GPC6: variants seen among roughly 807,000 people sequenced by gnomAD.
The protein encoded by GPC6 is glypican 6.
A neutral mutation model predicts 55.2 loss-of-function variants in GPC6; 14 were observed. That is an observed-to-expected ratio of 0.25 (90% CI 0.17 to 0.40). The LOEUF is 0.40. Ranked by LOEUF, GPC6 falls within the 10% of genes least tolerant of loss-of-function variation. The pLI is 1.00. For missense variants in GPC6, 641 were observed against 708.5 expected (o/e 0.90, Z 1.08); for synonymous variants, 278 against 259.6 (o/e 1.07, Z -0.68).
intron 6 of GPC6, among the ~76,000 whole-genome samples, chr13:94,380,543 C>T (rs1880112218): frequency 6.6e-6 from 1 of 152,108 alleles, no homozygotes; most frequent in African/African-American, 2.4e-5. Flanking sequence ...TACCTTTTCT[C>T]TTTTTCTTTA....
intron 1 of GPC6, among the ~76,000 whole-genome samples, chr13:93,312,201 C>T (rs9516213): frequency 6.6e-6 from 1 of 151,812 alleles, no homozygotes; most frequent in African/African-American, 2.4e-5. Context: ...GATAAATTAT[C>T]TCTTTTGTTG....
intron 6 of GPC6, among the ~76,000 whole-genome samples, chr13:94,308,727 T>C (rs1876084205): frequency 6.6e-6 from 1 of 152,186 alleles, no homozygotes; most frequent in Non-Finnish European, 1.5e-5. Context: ...TGACGTGTAA[T>C]GCACAGCCAG....
intron 3 of GPC6, among the ~76,000 whole-genome samples, chr13:93,862,050 C>T (rs768574775): frequency 7.3e-5 from 11 of 151,574 alleles, no homozygotes; most frequent in Non-Finnish European, 1.2e-4. Context: ...CATGGAATGA[C>T]GCTAAACCCA....
intron 2 of GPC6, among the ~76,000 whole-genome samples, chr13:93,616,800 G>T (rs1437328887): frequency 1.3e-5 from 2 of 152,082 alleles, no homozygotes; most frequent in Non-Finnish European, 2.9e-5. Context: ...TGTAGAGCTA[G>T]TTATGAACAT....
At chr13:93,921,145 G>A (rs1033066651) in intron 3 of GPC6, among the ~76,000 whole-genome samples, 1 of 152,184 alleles carries the variant, frequency 6.6e-6, no homozygotes, top group Non-Finnish European at 1.5e-5. Context: ...AAACTGAAGA[G>A]TTTCCTGACC....
intron 2 of GPC6, among the ~76,000 whole-genome samples, chr13:93,796,696 C>T (rs985234353): frequency 2.0e-5 from 3 of 152,144 alleles, no homozygotes; most frequent in Admixed American, 6.5e-5. Context: ...ATGACTTTAA[C>T]CTCTTCTTGG....
intron 1 of GPC6, among the ~76,000 whole-genome samples, chr13:93,490,234 T>G (rs1013299004): frequency 1.6e-4 from 25 of 151,536 alleles, no homozygotes; most frequent in African/African-American, 5.8e-4. Flanking sequence ...ATCATGTGGT[T>G]TTTGTCTTTG....
In GPC6 at chr13:94,150,319, C is replaced by G. The variant is rs183209097; in HGVS notation, c.877+122425C>G. Among the ~76,000 whole-genome samples the G allele has an allele frequency of 2.6e-5, 4 of 152,166 alleles. No individual in the cohort carries two copies. The East Asian group carries it at 7.8e-4, about 29-fold the overall frequency. On this transcript the variant is annotated intron_variant, in intron 4 of 8. Coordinates refer to ENST00000377047, the MANE Select transcript of GPC6 (RefSeq NM_005708.5). Reference sequence around the variant, plus strand: ...CAGCAAGGACTGATATCCTTTTCCCCCCTTGTCCTTCTAGCCCACTCTTCA... The same window carrying G: ...CAGCAAGGACTGATATCCTTTTCCCGCCTTGTCCTTCTAGCCCACTCTTCA...
chr13:93,944,160 C>G (rs1339079082), intron 3 of GPC6, among the ~76,000 whole-genome samples: 4 of 150,956 alleles, frequency 2.6e-5, no homozygotes, highest in African/African-American at 9.7e-5. Context: ...ATTCCAGTTT[C>G]TTCCTTTTAT....
intron 1 of GPC6, among the ~76,000 whole-genome samples, chr13:93,534,207 A>G (rs542329588): frequency 6.0e-4 from 92 of 152,066 alleles, no homozygotes; most frequent in Non-Finnish European, 1.2e-3. Flanking sequence ...AAAAAGAAAT[A>G]TTTTTCCAAG....
intron 3 of GPC6, among the ~76,000 whole-genome samples, chr13:93,857,338 G>C (rs1888653908): frequency 6.6e-6 from 1 of 151,450 alleles, no homozygotes; most frequent in African/African-American, 2.4e-5. Flanking sequence ...TTTGGAAATG[G>C]TCAGCTATGT....
chr13:94,312,682 A>G (rs1351779536), intron 6 of GPC6, among the ~76,000 whole-genome samples: 1 of 151,332 alleles, frequency 6.6e-6, no homozygotes, highest in Non-Finnish European at 1.5e-5. Flanking sequence ...TTCCACCCCA[A>G]CACAGACACA....
chr13:93,220,978 G>C, the GPC6 span, among the ~76,000 whole-genome samples: 1 of 152,014 alleles, frequency 6.6e-6, no homozygotes, highest in Non-Finnish European at 1.5e-5. Flanking sequence ...GACCTCCCAG[G>C]CTCTGGTGAT....
At chr13:94,217,555 G>A (rs1402657813) in intron 4 of GPC6, among the ~76,000 whole-genome samples, 2 of 152,186 alleles carry the variant, frequency 1.3e-5, no homozygotes, top group Non-Finnish European at 2.9e-5. Flanking sequence ...GTTGGGTGAT[G>A]TAACTACTAC....
intron 1 of GPC6, among the ~76,000 whole-genome samples, chr13:93,394,075 C>G (rs1046799519): frequency 1.3e-5 from 2 of 152,180 alleles, no homozygotes; most frequent in African/African-American, 4.8e-5. Flanking sequence ...CTTCCCCTAA[C>G]TTTTCCAAAC....
intron 2 of GPC6, among the ~76,000 whole-genome samples, chr13:93,767,688 C>A (rs760312616): frequency 4.6e-5 from 7 of 152,128 alleles, no homozygotes; most frequent in Non-Finnish European, 1.0e-4. Flanking sequence ...TTGCACTGAT[C>A]AGTAAAAACC....
Position 93,688,556 on chromosome 13 carries a change from A to T in GPC6, c.320-141598A>T, listed in dbSNP as rs3848069. 1.3e-3 allele frequency among the ~76,000 whole-genome samples: 198 copies of T among 152,170 alleles called. 1 individual carries two copies. The highest frequency in any genetic ancestry group is 4.5e-3 in the African/African-American group (189 of 41,558). ...ACAGGTGAATGGGTAAACAAAATGC[A>T]CTATATACACACAGAGAAATATGAT... On this transcript the variant is annotated intron_variant, in intron 2 of 8. Coordinates refer to ENST00000377047, the MANE Select transcript of GPC6 (RefSeq NM_005708.5).
intron 4 of GPC6, among the ~76,000 whole-genome samples, chr13:94,282,857 A>G (rs1892424631): frequency 6.6e-6 from 1 of 152,256 alleles, no homozygotes; most frequent in East Asian, 1.9e-4. Flanking sequence ...ATATGCTGTT[A>G]GTCATAAGAG....
At chr13:93,528,687 T>A (rs1051924212) in intron 1 of GPC6, among the ~76,000 whole-genome samples, 3 of 152,188 alleles carry the variant, frequency 2.0e-5, no homozygotes. Flanking sequence ...TGTGAGCAGG[T>A]CTGAAATTTG....
Sources: allele counts gnomAD v4.1 joint callset (sites outside exome capture counted in the v4.1 genomes callset), GRCh38; gene constraint gnomAD v4.1.1; transcripts MANE v1.5; gene names NCBI Gene and HGNC (gene_info 2026-07-23, HGNC 2026-07-21).